GMPS: variants seen among roughly 807,000 people sequenced by gnomAD.
The protein encoded by GMPS is guanosine monophosphate synthase.
In GMPS, 15 loss-of-function variants were observed where a neutral mutation model predicts 77.9. The observed-to-expected ratio is 0.19, with a 90% confidence interval of 0.13 to 0.30. The LOEUF is 0.30. Among genes scored for constraint, GMPS ranks in the 10% least tolerant of loss-of-function variants. The pLI is 1.00. For missense variants in GMPS, 590 were observed against 838.8 expected, an observed-to-expected ratio of 0.70 and a Z score of 3.66; for synonymous variants, 224 against 275.9, an observed-to-expected ratio of 0.81 and a Z score of 1.86.
chr3:155,888,588 A>ATT (rs1007994217), intron 1 of GMPS, among the ~76,000 whole-genome samples: 7 of 137,604 alleles, frequency 5.1e-5, no homozygotes, highest in African/African-American at 1.1e-4. Flanking sequence ...CTCCCAGCTA[A>ATT]TTTTTTTTTT....
rs774943953 is a variant in GMPS, at chr3:155,925,313, A to T, written c.1507A>T (p.Ser503Cys). 1.2e-6 allele frequency: 2 copies of T among 1,611,110 alleles called. No homozygotes were observed. The highest frequency in any genetic ancestry group is 2.2e-5 in the South Asian group (2 of 90,982). Residue 503 changes from serine (S) to cysteine (C), a missense_variant, in exon 12 of 16, where the codon AGT becomes TGT. Ser to Cys is a moderately radical substitution (Grantham distance 112, BLOSUM62 -1). This residue lies in a region of GMPS where 89 missense variants were observed against 95.9 expected (regional missense o/e 0.93). Coordinates refer to ENST00000496455, the MANE Select transcript of GMPS (RefSeq NM_003875.3). ...EDQEKLMQIT[S>C]LHSLNAFLLP... Reference sequence around the variant, plus strand: ...TCAGGAGAAGCTGATGCAAATTACCAGTCTGCATTCACTGAATGCCTTCTT... The same window carrying T: ...TCAGGAGAAGCTGATGCAAATTACCTGTCTGCATTCACTGAATGCCTTCTT...
At chr3:155,918,473 T>C (rs965525532) in intron 9 of GMPS, among the ~76,000 whole-genome samples, 1 of 152,150 alleles carries the variant, frequency 6.6e-6, no homozygotes, top group Non-Finnish European at 1.5e-5. Flanking sequence ...AATAAAAATG[T>C]TAGTCATCCT....
rs1439344867 is a variant in GMPS, at chr3:155,934,770, G to T, written c.1677-146G>T. 25 of 615,602 alleles carry T rather than the reference G, an allele frequency of 4.1e-5. No homozygotes were observed. The East Asian group carries it at 6.6e-4, about 16-fold the overall frequency. The allele number at this position is 615,602 out of a possible 1,614,324, so 38.1% of individuals were successfully genotyped here. On this transcript the variant is annotated intron_variant, in intron 13 of 15. Coordinates refer to ENST00000496455, the MANE Select transcript of GMPS (RefSeq NM_003875.3). ...TTATATCTTGTCCTATCCATCTGGG[G>T]AGTTGAAGTGGGCAGGAGAAGGGCC...
intron 12 of GMPS, among the ~76,000 whole-genome samples, chr3:155,928,374 T>G (rs1273169676): frequency 6.6e-6 from 1 of 152,136 alleles, no homozygotes; most frequent in Non-Finnish European, 1.5e-5. Context: ...TCACATATGT[T>G]GAATTTTCAC....
At chr3:155,896,184 T>C (rs1253867308) in intron 2 of GMPS, among the ~76,000 whole-genome samples, 1 of 152,036 alleles carries the variant, frequency 6.6e-6, no homozygotes, top group African/African-American at 2.4e-5. Flanking sequence ...TAATTTTTTG[T>C]ATTTTTAGTA....
chr3:155,877,404 C>T (rs1754077138), intron 1 of GMPS, among the ~76,000 whole-genome samples: 1 of 152,076 alleles, frequency 6.6e-6, no homozygotes, highest in South Asian at 2.1e-4. Flanking sequence ...ATGTACTCTG[C>T]TTAAAGTATC....
chr3:155,895,550 A>G (rs1754582648), intron 2 of GMPS: 2 of 152,146 alleles, frequency 1.3e-5, no homozygotes, highest in South Asian at 4.1e-4. Flanking sequence ...AGCTAAGGTA[A>G]TCTGCCCGTT....
intron 8 of GMPS, among the ~76,000 whole-genome samples, chr3:155,914,775 GT>G (rs1227808934): frequency 6.7e-6 from 1 of 148,364 alleles, no homozygotes; most frequent in Non-Finnish European, 1.5e-5. Flanking sequence ...TTTTTTTTTT[GT>G]TTTTTTGAGA....
intron 13 of GMPS, 57 bp downstream of exon 13, chr3:155,931,937 AG>A: frequency 1.3e-6 from 1 of 792,482 alleles, no homozygotes. Flanking sequence ...GTATTTCTTA[AG>A]GGCTTTCAAT....
At chr3:155,870,589 AAGCCG>A (rs1279005907), upstream of GMPS, 177 of 389,992 alleles carry the variant, frequency 4.5e-4, no homozygotes, top group Non-Finnish European at 6.5e-5. Flanking sequence ...CTCGGCTGCC[AAGCCG>A]AACGGGCTCT....
intron 2 of GMPS, chr3:155,895,491 A>G (rs943364432): frequency 2.6e-5 from 4 of 151,930 alleles, no homozygotes; most frequent in Admixed American, 2.6e-4. Flanking sequence ...TTTTATTTTT[A>G]GGAGAGATGA....
At chr3:155,911,349 T>C in intron 7 of GMPS, 70 bp downstream of exon 7, 1 of 925,512 alleles carries the variant, frequency 1.1e-6, no homozygotes, top group East Asian at 2.7e-5. Flanking sequence ...TCTTATGGTT[T>C]AAATGAGCAC....
intron 1 of GMPS, among the ~76,000 whole-genome samples, chr3:155,875,476 C>T (rs184858456): frequency 2.7e-4 from 41 of 152,314 alleles, no homozygotes; most frequent in Admixed American, 1.1e-3. Context: ...GGTGATCCAC[C>T]GGCCTCACCT....
chr3:155,890,482 A>G (rs887112874), intron 1 of GMPS, among the ~76,000 whole-genome samples: 1 of 152,178 alleles, frequency 6.6e-6, no homozygotes, highest in Non-Finnish European at 1.5e-5. Context: ...ATAAAAAAAT[A>G]GTAAAACTAC....
Position 155,939,153 on chromosome 3 carries a change from A to G in GMPS, c.*1461A>G, listed in dbSNP as rs1236931434. ...CTGTCTTAACAGAAATCTGTCCCCA[A>G]GACAAAGGGGTACTTGACTCCTACA... On this transcript the variant is annotated 3_prime_UTR_variant, in exon 16 of 16. Coordinates refer to ENST00000496455, the MANE Select transcript of GMPS (RefSeq NM_003875.3). The G allele has an allele frequency of 4.5e-6, 1 of 220,104 alleles. No homozygotes were observed. The highest frequency in any genetic ancestry group is 6.7e-5 in the East Asian group (1 of 14,984). 13.6% of individuals were successfully genotyped at this position (220,104 alleles called of 1,614,324 possible). A position where few individuals can be genotyped will look rare whatever the true frequency, so the allele number is the denominator to read the frequency against.
At position 155,914,368 on chromosome 3, in the gene GMPS, G is replaced by T; in HGVS notation, c.887-51G>T. ...TTCTGTATTTTGACTTGTTATTTTT[G>T]ATTAAAAAACATGTTATACCAATTT... On this transcript the variant is annotated intron_variant, in intron 7 of 15. Coordinates refer to ENST00000496455, the MANE Select transcript of GMPS (RefSeq NM_003875.3). 3 of 1,317,884 alleles carry T rather than the reference G, an allele frequency of 2.3e-6. No homozygotes were observed. In the South Asian group the frequency reaches 5.5e-5, roughly 24 times the overall value. 81.6% of individuals were successfully genotyped at this position (1,317,884 alleles called of 1,614,324 possible).
intron 1 of GMPS, among the ~76,000 whole-genome samples, chr3:155,885,907 G>A (rs1754323099): frequency 6.6e-6 from 1 of 152,122 alleles, no homozygotes; most frequent in Non-Finnish European, 1.5e-5. Flanking sequence ...TGCAGCTTCC[G>A]CCTCATGGGT....
In GMPS at chr3:155,942,027, C is replaced by A; in HGVS notation, c.*4335C>A. ...ACATAACCTGAGGAGTTAAAAAATACAATAACCAGATGTCCAATTAAATAA... is the reference window on the plus strand; with the variant it reads ...ACATAACCTGAGGAGTTAAAAAATAAAATAACCAGATGTCCAATTAAATAA... On this transcript the variant is annotated 3_prime_UTR_variant, in exon 16 of 16. Transcript: ENST00000496455. The A allele has an allele frequency of 4.9e-6, 1 of 204,372 alleles. No homozygotes were observed. The highest frequency in any genetic ancestry group is 1.0e-5 in the Non-Finnish European group (1 of 99,982). 12.7% of individuals were successfully genotyped at this position (204,372 alleles called of 1,614,324 possible).
chr3:155,932,503 TG>T (rs1284946477), intron 13 of GMPS, among the ~76,000 whole-genome samples: 1 of 152,242 alleles, frequency 6.6e-6, no homozygotes, highest in Non-Finnish European at 1.5e-5. Context: ...CTTCTTACAT[TG>T]GATATATCAA....
Sources: gnomAD v4.1 joint callset for allele counts (sites outside exome capture counted in the v4.1 genomes callset) on GRCh38, gnomAD v4.1.1 for gene constraint, gnomAD v4.1.1 regional missense constraint, MANE v1.5 for transcripts, NCBI Gene and HGNC (gene_info 2026-07-23, HGNC 2026-07-21) for gene names.